The following BPIFB6 variants were observed in gnomAD, a reference collection of about 807,000 sequenced individuals.
The protein encoded by BPIFB6 is BPI fold containing family B member 6, also known as BPI fold-containing family B member 6.
BPIFB6 carries 47 observed loss-of-function variants against 54.7 expected under a neutral mutation model. That is an observed-to-expected ratio of 0.86 (90% CI 0.68 to 1.10). The LOEUF (loss-of-function observed/expected upper bound fraction) is 1.10. BPIFB6 is among the 50% of genes least tolerant of loss of function. The probability of loss-of-function intolerance (pLI) is 0.00; values close to 1 mark genes in which losing one functional copy is unlikely to be tolerated. For synonymous variants in BPIFB6, 255 were observed against 225.9 expected (o/e 1.13, Z -1.16); for missense variants, 603 against 564.1 (o/e 1.07, Z -0.70).
chr20:33,034,952 TTG>T, intron 4 of BPIFB6, 40 bp downstream of exon 4: 1 of 1,605,588 alleles, frequency 6.2e-7, no homozygotes, highest in Non-Finnish European at 8.5e-7. Context: ...CCGGTCCATA[TTG>T]CTATACCCCC....
Position 33,034,844 on chromosome 20 carries a change from C to T in BPIFB6, c.384C>T (p.Gly128=). ...TNRLLRDEET[G]LPVFKSEGCE... ...GGCTTCTGCGGGATGAGGAGACAGGCCTCCCCGTGTTCAAGAGTGAGGGCT... is the reference window on the plus strand; with the variant it reads ...GGCTTCTGCGGGATGAGGAGACAGGTCTCCCCGTGTTCAAGAGTGAGGGCT... The change falls in exon 4 of 15, where the codon GGC becomes GGT. Residue 128 remains glycine, a synonymous_variant. Coordinates refer to ENST00000349552, the MANE Select transcript of BPIFB6 (RefSeq NM_174897.2). 2 of 1,613,836 alleles carry T rather than the reference C, an allele frequency of 1.2e-6. No individual in the cohort carries two copies. The highest frequency in any genetic ancestry group is 1.7e-6 in the Non-Finnish European group (2 of 1,179,818).
At position 33,033,064 on chromosome 20, in the gene BPIFB6, C is replaced by A. The variant is rs1221408523; in HGVS notation, c.178C>A (p.Pro60Thr). ...EAGKKQPGMK[P>T]IKGITNLKVK... ...AGGCAAGAAACAGCCAGGGATGAAACCTATCAAGGGCATCACCAAGTGAGT... is the reference window on the plus strand; with the variant it reads ...AGGCAAGAAACAGCCAGGGATGAAAACTATCAAGGGCATCACCAAGTGAGT... Residue 60 changes from proline to threonine, a missense_variant, in exon 2 of 15, where the codon CCT becomes ACT. By Grantham distance (38) the Pro-to-Thr change is conservative. Coordinates refer to ENST00000349552, the MANE Select transcript of BPIFB6 (RefSeq NM_174897.2). 1.2e-6 allele frequency: 2 copies of A among 1,613,798 alleles called. No individual in the cohort carries two copies. The highest frequency in any genetic ancestry group is 1.7e-6 in the Non-Finnish European group (2 of 1,179,760).
chr20:33,035,610 A>G lies in BPIFB6; in HGVS notation c.517-2A>G. On this transcript the variant is annotated splice_acceptor_variant, in intron 5 of 14. Transcript: ENST00000349552. LOFTEE classifies it high-confidence loss of function. ...TCAGCCCAGTGCCTTCTCTGCTTCC[A>G]GATGTGTCCCGCCATCGATGCAGTC... The G allele has an allele frequency of 6.2e-7, 1 of 1,614,132 alleles. No individual in the cohort carries two copies. Among genetic ancestry groups the G allele is most frequent in the Non-Finnish European group, 8.5e-7 (1 of 1,180,026 alleles).
At chr20:33,037,214 GC>G (rs1568986326) in intron 7 of BPIFB6, among the ~76,000 whole-genome samples, 1 of 152,174 alleles carries the variant, frequency 6.6e-6, no homozygotes, top group East Asian at 1.9e-4. Context: ...ATTCTTACAC[GC>G]CCCGTGTCGA....
intron 7 of BPIFB6, 49 bp downstream of exon 7, chr20:33,036,585 T>C (rs1979353151): frequency 6.7e-7 from 1 of 1,494,640 alleles, no homozygotes; most frequent in Admixed American, 1.7e-5. Context: ...CTCACTGGTC[T>C]GGGTAGTGGG....
rs561362472 is a variant in BPIFB6, at chr20:33,040,421, C to T, written c.1142+103C>T. On this transcript the variant is annotated intron_variant, in intron 11 of 14. Coordinates refer to ENST00000349552, the MANE Select transcript of BPIFB6 (RefSeq NM_174897.2). ...CGAGCTGATCCACCCAGCACACCCCCAACTACCAGGCTGCTCTAGCTACTT... is the reference window on the plus strand; with the variant it reads ...CGAGCTGATCCACCCAGCACACCCCTAACTACCAGGCTGCTCTAGCTACTT... The T allele has an allele frequency of 1.5e-4, 160 of 1,065,246 alleles. No individual in the cohort carries two copies. The African/African-American group carries it at 2.0e-3, about 14-fold the overall frequency. The allele number at this position is 1,065,246 out of a possible 1,614,324, so 66.0% of individuals were successfully genotyped here.
rs534755031 is a variant in BPIFB6, at chr20:33,042,213, A to G, written c.1188+198A>G. Among the ~76,000 whole-genome samples, 14 of 152,260 alleles carry G rather than the reference A, an allele frequency of 9.2e-5. No individual in the cohort carries two copies. The East Asian group carries it at 2.7e-3, about 29-fold the overall frequency. On this transcript the variant is annotated intron_variant, in intron 12 of 14. Transcript: ENST00000349552. ...TCTGAATCCCTGTTTCCTTTTCTGGATAGAATCTGGACATCTCCCTGGATT... is the reference window on the plus strand; with the variant it reads ...TCTGAATCCCTGTTTCCTTTTCTGGGTAGAATCTGGACATCTCCCTGGATT...
Position 33,039,425 on chromosome 20 carries a change from A to G in BPIFB6, c.979A>G (p.Thr327Ala). Residue 327 changes from threonine to alanine, a missense_variant, in exon 10 of 15, where the codon ACA (threonine) becomes GCA (alanine). Physicochemically the swap from Thr to Ala is moderately conservative, Grantham distance 58. Transcript: ENST00000349552. ...GAAGCCTCCCAAGGTCACTATGAAG[A>G]CAGGCAAGAGCCTGCTGCACCTCCA... Reference protein sequence around the residue: ...IKKPPKVTMKTGKSLLHLHST... With the variant: ...IKKPPKVTMKAGKSLLHLHST... 1 of 1,614,192 alleles carries G rather than the reference A, an allele frequency of 6.2e-7. No homozygotes were observed. Among genetic ancestry groups the G allele is most frequent in the Non-Finnish European group, 8.5e-7 (1 of 1,180,036 alleles).
intron 3 of BPIFB6, 126 bp downstream of exon 3, chr20:33,034,416 G>T: frequency 1.3e-6 from 1 of 741,488 alleles, no homozygotes; most frequent in Non-Finnish European, 2.3e-6. Flanking sequence ...TGTAGACTTG[G>T]TCCCTACCTT....
chr20:33,032,862 G>T, intron 1 of BPIFB6, 122 bp from the exon 2 acceptor site: 1 of 723,014 alleles, frequency 1.4e-6, no homozygotes, highest in Non-Finnish European at 2.5e-6. Flanking sequence ...GGCGCTGTGG[G>T]ACTCATCTCT....
Position 33,038,967 on chromosome 20 carries a change from G to A in BPIFB6, c.900+5G>A. On this transcript the variant is annotated splice_donor_5th_base_variant and intron_variant, in intron 9 of 14. Coordinates refer to ENST00000349552, the MANE Select transcript of BPIFB6 (RefSeq NM_174897.2). ...CTGGCTCGCTTCATTCCTGAAGTGA[G>A]TGCCCCACCTCCCCATCACCACTGC... 6.2e-7 allele frequency: 1 copy of A among 1,613,888 alleles called. No homozygotes were observed. The highest frequency in any genetic ancestry group is 8.5e-7 in the Non-Finnish European group (1 of 1,179,952).
chr20:33,035,195 C>A, intron 5 of BPIFB6, 51 bp downstream of exon 5: 1 of 1,566,710 alleles, frequency 6.4e-7, no homozygotes, highest in Non-Finnish European at 8.8e-7. Flanking sequence ...ACTGCTTAGG[C>A]CAGGGCTGGC....
chr20:33,036,468 G>A lies in BPIFB6; in HGVS notation c.601G>A (p.Gly201Ser), dbSNP rs1568986022. The change falls in exon 7 of 15, where the codon GGC becomes AGC. Residue 201 changes from glycine to serine, a missense_variant. Coordinates refer to ENST00000349552, the MANE Select transcript of BPIFB6 (RefSeq NM_174897.2). ...AGACCCCATGCCTGTGGGCCAGATGGGCACCGTCAAATATGTTCTGATGTC... is the reference window on the plus strand; with the variant it reads ...AGACCCCATGCCTGTGGGCCAGATGAGCACCGTCAAATATGTTCTGATGTC... The part of the protein sequence containing the change: ...LSDPMPVGQM[G>S]TVKYVLMSAP... 1.2e-6 allele frequency: 2 copies of A among 1,613,960 alleles called. No individual in the cohort carries two copies. Among genetic ancestry groups the A allele is most frequent in the East Asian group, 4.5e-5 (2 of 44,868 alleles).
chr20:33,033,227 G>A, intron 2 of BPIFB6, 144 bp downstream of exon 2: 1 of 719,350 alleles, frequency 1.4e-6, no homozygotes, highest in Non-Finnish European at 2.5e-6. Context: ...TTGCTGTGTG[G>A]CCTTGGGTAG....
rs771665568 is a variant in BPIFB6, at chr20:33,031,747, G to T, written c.97+3G>T. Reference sequence around the variant, plus strand: ...GTTGGGCATGGACATCATGAACCGTGGTGAGCTTGTGGGCCCGGGCGTGCA... The same window carrying T: ...GTTGGGCATGGACATCATGAACCGTTGTGAGCTTGTGGGCCCGGGCGTGCA... On this transcript the variant is annotated splice_donor_region_variant and intron_variant, in intron 1 of 14. Transcript: ENST00000349552. 9.9e-6 allele frequency: 16 copies of T among 1,613,942 alleles called. No homozygotes were observed. Among genetic ancestry groups the T allele is most frequent in the Non-Finnish European group, 1.1e-5 (13 of 1,179,900 alleles).
intron 7 of BPIFB6, among the ~76,000 whole-genome samples, 200 bp from the exon 8 acceptor site, chr20:33,037,362 T>C (rs1979386679): frequency 6.6e-6 from 1 of 152,192 alleles, no homozygotes; most frequent in Admixed American, 6.5e-5. Flanking sequence ...ACTGACTCCC[T>C]TATCCTCCCA....
In BPIFB6 at chr20:33,039,423, A is replaced by G. The variant is rs746548517; in HGVS notation, c.977A>G (p.Lys326Arg). 7.4e-6 allele frequency: 12 copies of G among 1,614,130 alleles called. No homozygotes were observed. The African/African-American group carries it at 1.5e-4, about 20-fold the overall frequency. Reference sequence around the variant, plus strand: ...AAGAAGCCTCCCAAGGTCACTATGAAGACAGGCAAGAGCCTGCTGCACCTC... The same window carrying G: ...AAGAAGCCTCCCAAGGTCACTATGAGGACAGGCAAGAGCCTGCTGCACCTC... ...KIKKPPKVTMKTGKSLLHLHS... is the reference protein window; with the variant it reads ...KIKKPPKVTMRTGKSLLHLHS... Residue 326 changes from lysine to arginine, a missense_variant, in exon 10 of 15, where the codon AAG becomes AGG. By Grantham distance (26) the Lys-to-Arg change is conservative. Transcript: ENST00000349552.
In BPIFB6 at chr20:33,041,013, A is replaced by G. The variant is rs1461665092; in HGVS notation, c.1142+695A>G. The stretch of plus-strand genomic sequence containing the variant: ...TTTTTTTTTTTTTTTTTTTTGAGAC[A>G]GAGTCTCGCTCTGTTGCCCAGGCTG... On this transcript the variant is annotated intron_variant, in intron 11 of 14. Transcript: ENST00000349552. Among the ~76,000 whole-genome samples, 16 of 140,930 alleles carry G rather than the reference A, an allele frequency of 1.1e-4. No homozygotes were observed. In the East Asian group the frequency reaches 2.9e-3, roughly 25 times the overall value. 92.5% of individuals were successfully genotyped at this position (140,930 alleles called of 152,430 possible). A position where few individuals can be genotyped will look rare whatever the true frequency, so the allele number is the denominator to read the frequency against.
chr20:33,034,932 G>C lies in BPIFB6; in HGVS notation c.452+20G>C. ...TAGCAAGTGAGGGGCTCTGTGGCTG[G>C]GGAGGAAGGCCGGTCCATATTGCTA... is the stretch of plus-strand genomic sequence containing the variant. On this transcript the variant is annotated intron_variant, in intron 4 of 14. Coordinates refer to ENST00000349552, the MANE Select transcript of BPIFB6 (RefSeq NM_174897.2). 1 of 1,606,552 alleles carries C rather than the reference G, an allele frequency of 6.2e-7. No individual in the cohort carries two copies. The highest frequency in any genetic ancestry group is 1.1e-5 in the South Asian group (1 of 90,682).
Sources: allele counts gnomAD v4.1 joint callset (sites outside exome capture counted in the v4.1 genomes callset), GRCh38; gene constraint gnomAD v4.1.1; transcripts MANE v1.5; gene names NCBI Gene and HGNC (gene_info 2026-07-23, HGNC 2026-07-21).